The following CATSPERE variants were observed in gnomAD, a reference collection of about 807,000 sequenced individuals.
CATSPERE encodes the protein catsper channel auxiliary subunit epsilon.
A neutral mutation model predicts 114.1 loss-of-function variants in CATSPERE; 93 were observed. The observed-to-expected ratio is 0.81, with a 90% CI of 0.69 to 0.97. The LOEUF (loss-of-function observed/expected upper bound fraction) is 0.97. Ranked by LOEUF, CATSPERE falls within the 50% of genes least tolerant of loss-of-function variation. The pLI is 0.00. For synonymous variants in CATSPERE, 341 were observed against 384.1 expected (o/e 0.89, Z 1.31); for missense variants, 1,058 against 1,131.6 (o/e 0.93, Z 0.93).
intron 8 of CATSPERE, among the ~76,000 whole-genome samples, chr1:244,550,979 C>T (rs563753372): frequency 6.6e-6 from 1 of 152,264 alleles, no homozygotes; most frequent in East Asian, 1.9e-4. Context: ...ATAGACTCTG[C>T]CCTGTCAAAT....
At chr1:244,451,377 C>T (rs1038935771), upstream of CATSPERE, among the ~76,000 whole-genome samples, 5 of 152,210 alleles carry the variant, frequency 3.3e-5, no homozygotes, top group African/African-American at 1.2e-4. This position sits in a 1 kb window ranked among gnomAD's most constrained non-coding sequence, Gnocchi z 6.6. Context: ...AGGCATCGCG[C>T]ATCTCTCAAA....
chr1:244,520,315 A>G (rs1190541706), intron 8 of CATSPERE, among the ~76,000 whole-genome samples: 1 of 147,578 alleles, frequency 6.8e-6, no homozygotes, highest in Non-Finnish European at 1.5e-5. Flanking sequence ...CAGTGAGTTC[A>G]TTTTGTGGTA....
upstream of CATSPERE, among the ~76,000 whole-genome samples, chr1:244,452,478 G>A (rs1271517864): frequency 6.6e-6 from 1 of 152,102 alleles, no homozygotes; most frequent in Non-Finnish European, 1.5e-5. Context: ...ATGGGGACAG[G>A]GATCAAAAAA....
intron 9 of CATSPERE, among the ~76,000 whole-genome samples, chr1:244,553,683 T>C (rs1661140878): frequency 6.7e-6 from 1 of 148,476 alleles, no homozygotes. Context: ...GATACCCTGG[T>C]CTGACTATAG....
intron 5 of CATSPERE, among the ~76,000 whole-genome samples, chr1:244,489,664 G>C (rs907460374): frequency 6.6e-6 from 1 of 151,922 alleles, no homozygotes; most frequent in East Asian, 1.9e-4. Flanking sequence ...TGGCTGTCTT[G>C]AATAATGAAC....
intron 10 of CATSPERE, among the ~76,000 whole-genome samples, chr1:244,562,178 C>T (rs534645941): frequency 7.3e-6 from 1 of 137,250 alleles, no homozygotes; most frequent in Non-Finnish European, 1.5e-5. Context: ...AAAAAAAGCT[C>T]CTGTGAGTTT....
upstream of CATSPERE, chr1:244,451,608 T>C (rs1364708861): frequency 1.3e-6 from 2 of 1,586,948 alleles, no homozygotes; most frequent in Non-Finnish European, 1.7e-6. This position sits in a 1 kb window ranked among gnomAD's most constrained non-coding sequence, Gnocchi z 6.6. Flanking sequence ...CGGGCCCGGC[T>C]TCCCATGAGA....
chr1:244,490,521 T>G, intron 6 of CATSPERE, 50 bp downstream of exon 6: 1 of 1,083,210 alleles, frequency 9.2e-7, no homozygotes, highest in South Asian at 1.4e-5. Flanking sequence ...ACTAGTATAT[T>G]GTTTCTCTCT....
At chr1:244,546,253 C>T (rs1659734351) in intron 8 of CATSPERE, among the ~76,000 whole-genome samples, 1 of 152,094 alleles carries the variant, frequency 6.6e-6, no homozygotes, top group South Asian at 2.1e-4. Context: ...GCTTAAGGTG[C>T]CCCCCAGTGT....
intron 17 of CATSPERE, among the ~76,000 whole-genome samples, chr1:244,604,668 T>C (rs780712790): frequency 7.9e-5 from 12 of 152,170 alleles, no homozygotes; most frequent in Non-Finnish European, 1.6e-4. Context: ...CCAACAGGCA[T>C]GGGGGACAAT....
At chr1:244,460,714 G>A (rs555760579), upstream of CATSPERE, among the ~76,000 whole-genome samples, 2 of 152,364 alleles carry the variant, frequency 1.3e-5, no homozygotes, top group South Asian at 2.1e-4. Flanking sequence ...AGGAGTTGGA[G>A]ACCAGCCTGG....
chr1:244,588,522 T>A lies in CATSPERE; in HGVS notation c.2126T>A (p.Ile709Asn). 1 of 1,610,560 alleles carries A rather than the reference T, an allele frequency of 6.2e-7. No homozygotes were observed. Among genetic ancestry groups the A allele is most frequent in the African/African-American group, 1.3e-5 (1 of 74,990 alleles). Reference protein sequence around the residue: ...IAVGCDDKKFIAIKGFSKKGC... With the variant: ...IAVGCDDKKFNAIKGFSKKGC... ...GTTGGCTGTGATGATAAAAAATTCA[T>A]TGCAATTAAAGGGTAAGTATATTTC... is the stretch of plus-strand genomic sequence containing the variant. Residue 709 changes from isoleucine to asparagine, a missense_variant, in exon 14 of 22, where the codon ATT (isoleucine) becomes AAT (asparagine). Physicochemically the swap from Ile to Asn is moderately radical, Grantham distance 149. Coordinates refer to ENST00000366534, the MANE Select transcript of CATSPERE (RefSeq NM_001130957.2).
At chr1:244,461,259 G>A (rs547982761), upstream of CATSPERE, 577 of 480,790 alleles carry the variant, frequency 1.2e-3, 6 homozygotes, top group African/African-American at 0.01. Flanking sequence ...GTAGCGGCGC[G>A]CACGCGCACG....
Position 244,607,950 on chromosome 1 carries a change from T to TA in CATSPERE, c.2403+2163dup, listed in dbSNP as rs1328617102. 6.6e-6 allele frequency among the ~76,000 whole-genome samples: 1 copy of TA among 151,442 alleles called. No homozygotes were observed. The highest frequency in any genetic ancestry group is 1.5e-5 in the Non-Finnish European group (1 of 67,878). On this transcript the variant is annotated intron_variant, in intron 18 of 21. Transcript: ENST00000366534. This position sits in a 1 kb window ranked among gnomAD's most constrained non-coding sequence, Gnocchi z 4.4. Reference sequence around the variant, plus strand: ...GGTGAAACCCCATATCTCCTAAAAATAAAAAAATTAGCTGGGCATGCTGGC... The same window carrying TA: ...GGTGAAACCCCATATCTCCTAAAAATAAAAAAAATTAGCTGGGCATGCTGGC...
At chr1:244,451,778 G>A, upstream of CATSPERE, 1 of 1,599,110 alleles carries the variant, frequency 6.3e-7, no homozygotes, top group East Asian at 2.3e-5. The surrounding 1 kb of genome is among the most constrained non-coding windows in gnomAD (Gnocchi z 6.6). Context: ...TCGCCGTTGG[G>A]CAGGGAGGAT....
At chr1:244,539,211 T>A (rs1467769709) in intron 8 of CATSPERE, among the ~76,000 whole-genome samples, 1 of 151,738 alleles carries the variant, frequency 6.6e-6, no homozygotes, top group African/African-American at 2.4e-5. Flanking sequence ...AAAGGCCTTT[T>A]CTGCATCTAT....
Position 244,479,028 on chromosome 1 carries a change from CAAA to C in CATSPERE, c.259-666_259-664del, listed in dbSNP as rs1161485991. Among the ~76,000 whole-genome samples the C allele has an allele frequency of 2.7e-4, 13 of 47,510 alleles. 1 individual carries two copies. The highest frequency in any genetic ancestry group is 8.8e-5 in the African/African-American group (1 of 11,354). 31.2% of individuals were successfully genotyped at this position (47,510 alleles called of 152,430 possible). A position where few individuals can be genotyped will look rare whatever the true frequency, so the allele number is the denominator to read the frequency against. ...GGGGGACAAGAGCCAAACTTCGTCT[CAAA>C]AAAAAAAAAAAAAAAAAAAAAAGAT... On this transcript the variant is annotated intron_variant, in intron 4 of 21. Transcript: ENST00000366534.
At chr1:244,475,366 TGAGATTACAG>T (rs1214689525) in intron 2 of CATSPERE, among the ~76,000 whole-genome samples, 1 of 151,674 alleles carries the variant, frequency 6.6e-6, no homozygotes, top group Non-Finnish European at 1.5e-5. Flanking sequence ...CCTGAGTAGC[TGAGATTACAG>T]GTATGTGCCA....
In CATSPERE at chr1:244,610,194, T is replaced by C. The variant is rs772419416; in HGVS notation, c.2404-46T>C. 4.2e-6 allele frequency: 5 copies of C among 1,204,410 alleles called. No homozygotes were observed. In the East Asian group the frequency reaches 7.1e-5, roughly 17 times the overall value. The allele number at this position is 1,204,410 out of a possible 1,614,324, so 74.6% of individuals were successfully genotyped here. Reference sequence around the variant, plus strand: ...CATTAAATACTTAGGAATAAGTTGATATGAAAACTTCTACCTACCCACATA... The same window carrying C: ...CATTAAATACTTAGGAATAAGTTGACATGAAAACTTCTACCTACCCACATA... On this transcript the variant is annotated intron_variant, in intron 18 of 21. Transcript: ENST00000366534.
Sources: allele counts gnomAD v4.1 joint callset (sites outside exome capture counted in the v4.1 genomes callset), GRCh38; gene constraint gnomAD v4.1.1; non-coding constraint Gnocchi (gnomAD v3.1); transcripts MANE v1.5; gene names NCBI Gene and HGNC (gene_info 2026-07-23, HGNC 2026-07-21).